The following XKR4 variants were observed in gnomAD, a reference collection of about 807,000 sequenced individuals.
XKR4 encodes XK related 4.
In XKR4, 12 loss-of-function variants were observed where a neutral mutation model predicts 53.9. That is an observed-to-expected ratio of 0.22 (90% CI 0.14 to 0.36). The LOEUF is 0.36. XKR4 is among the 10% of genes least tolerant of loss of function. The pLI is 1.00. For synonymous variants in XKR4, 354 were observed against 362.4 expected (o/e 0.98, Z 0.26); for missense variants, 799 against 859.5 (o/e 0.93, Z 0.88).
intron 2 of XKR4, among the ~76,000 whole-genome samples, chr8:55,461,143 C>A (rs1003450096): frequency 6.6e-6 from 1 of 152,244 alleles, no homozygotes; most frequent in African/African-American, 2.4e-5. Context: ...TCTCAGCACG[C>A]AGCTTGAGAT....
intron 1 of XKR4, among the ~76,000 whole-genome samples, chr8:55,170,767 G>A (rs975031119): frequency 3.9e-5 from 6 of 152,318 alleles, no homozygotes; most frequent in Middle Eastern, 3.4e-3. Flanking sequence ...GCAAACCAAA[G>A]ATGGATCACT....
intron 2 of XKR4, among the ~76,000 whole-genome samples, chr8:55,377,956 G>A (rs2622554): frequency 0.15 from 23,569 of 152,194 alleles, 2,020 homozygotes; most frequent in African/African-American, 0.21. Flanking sequence ...GATTGTGTGC[G>A]CGTAATACCT....
At chr8:55,397,288 C>T (rs1049597125) in intron 2 of XKR4, among the ~76,000 whole-genome samples, 2 of 152,194 alleles carry the variant, frequency 1.3e-5, no homozygotes, top group African/African-American at 4.8e-5. Flanking sequence ...CTTTCTCTTG[C>T]CGCAATTATT....
chr8:55,307,996 T>C (rs1391237269), intron 1 of XKR4, among the ~76,000 whole-genome samples: 2 of 152,176 alleles, frequency 1.3e-5, no homozygotes, highest in Non-Finnish European at 2.9e-5. Flanking sequence ...ATCTCATGCC[T>C]GTAATCCCAG....
chr8:55,103,020 A>G lies in XKR4; in HGVS notation c.532A>G (p.Thr178Ala). The change falls in exon 1 of 3, where the codon ACG (threonine) becomes GCG (alanine). Residue 178 changes from threonine (T) to alanine (A), a missense_variant. By Grantham distance (58) the Thr-to-Ala change is moderately conservative. Transcript: ENST00000327381. ...CGATTTCAGCACCGAGGACAGCGCC[A>G]CGGCCGCTGCTGCCTCCAGCTGCCC... ...VHDFSTEDSATAAAASSCPQP... is the reference protein window; with the variant it reads ...VHDFSTEDSAAAAAASSCPQP... 6.2e-7 allele frequency: 1 copy of G among 1,612,358 alleles called. No individual in the cohort carries two copies. The highest frequency in any genetic ancestry group is 8.5e-7 in the Non-Finnish European group (1 of 1,179,768).
At chr8:55,486,872 C>G (rs905962447) in intron 2 of XKR4, among the ~76,000 whole-genome samples, 2 of 152,170 alleles carry the variant, frequency 1.3e-5, no homozygotes, top group African/African-American at 4.8e-5. Context: ...AGCAATTTCA[C>G]AGATCTCTTT....
intron 1 of XKR4, among the ~76,000 whole-genome samples, chr8:55,336,041 CAAAAAAA>C (rs34885296): frequency 3.5e-5 from 4 of 113,698 alleles, no homozygotes; most frequent in East Asian, 2.7e-4. Flanking sequence ...AACTCTATAC[CAAAAAAA>C]AAAAAAAAAA....
intron 2 of XKR4, among the ~76,000 whole-genome samples, chr8:55,448,422 G>T (rs1262813336): frequency 1.3e-5 from 2 of 152,158 alleles, no homozygotes; most frequent in African/African-American, 4.8e-5. Flanking sequence ...AGGGATTTTT[G>T]CAATCAAAAT....
At chr8:55,285,948 T>C (rs939767454) in intron 1 of XKR4, among the ~76,000 whole-genome samples, 1 of 152,212 alleles carries the variant, frequency 6.6e-6, no homozygotes, top group African/African-American at 2.4e-5. Flanking sequence ...GAAGCAAATC[T>C]GAGTTTATTT....
chr8:55,277,144 T>C (rs1392485386), intron 1 of XKR4, among the ~76,000 whole-genome samples: 1 of 152,196 alleles, frequency 6.6e-6, no homozygotes, highest in Admixed American at 6.5e-5. Context: ...TTAAGAGGAC[T>C]GTAGGCTCCC....
At chr8:55,171,807 A>G (rs963967512) in intron 1 of XKR4, among the ~76,000 whole-genome samples, 1 of 151,956 alleles carries the variant, frequency 6.6e-6, no homozygotes, top group Non-Finnish European at 1.5e-5. Context: ...CCCGAGCTAC[A>G]TTCCCTGTTC....
rs955689732 is a variant in XKR4 at position 55,385,469 on chromosome 8, T to C, written c.1006+27592T>C. 4.6e-5 allele frequency among the ~76,000 whole-genome samples: 7 copies of C among 152,368 alleles called. No homozygotes were observed. In the East Asian group the frequency reaches 1.3e-3, roughly 29 times the overall value. On this transcript the variant is annotated intron_variant, in intron 2 of 2. Coordinates refer to ENST00000327381, the MANE Select transcript of XKR4 (RefSeq NM_052898.2). ...CTCTTCCCTTCCCCGCTAAGCCATA[T>C]GCTTCTGAAAGTCAAGCATCATGCT...
intron 2 of XKR4, chr8:55,453,466 G>A (rs758779300): frequency 2.5e-5 from 10 of 398,694 alleles, no homozygotes; most frequent in East Asian, 6.8e-5. Flanking sequence ...CCTCAAACAC[G>A]TGGGAGATGC....
In XKR4 at chr8:55,164,043, A is replaced by C. The variant is rs781576269; in HGVS notation, c.806+60749A>C. ...GCACACACATCCCTCGCACACATGCACACAACTGTTTCAGGAGGCTCCTTT... is the reference window on the plus strand; with the variant it reads ...GCACACACATCCCTCGCACACATGCCCACAACTGTTTCAGGAGGCTCCTTT... On this transcript the variant is annotated intron_variant, in intron 1 of 2. Transcript: ENST00000327381. 3.7e-5 allele frequency: 13 copies of C among 356,066 alleles called. No homozygotes were observed. In the Admixed American group the frequency reaches 4.7e-4, roughly 13 times the overall value. The allele number at this position is 356,066 out of a possible 1,614,324, so 22.1% of individuals were successfully genotyped here.
intron 2 of XKR4, among the ~76,000 whole-genome samples, chr8:55,475,982 G>C (rs925958904): frequency 1.3e-5 from 2 of 152,056 alleles, no homozygotes; most frequent in African/African-American, 4.8e-5. Flanking sequence ...CTTGGCTCAA[G>C]TGATCCATTC....
intron 2 of XKR4, among the ~76,000 whole-genome samples, chr8:55,407,460 G>A (rs1380315405): frequency 6.6e-6 from 1 of 152,220 alleles, no homozygotes; most frequent in Admixed American, 6.5e-5. Flanking sequence ...ACAGGGTCCC[G>A]CTGTCCACGC....
At chr8:55,176,340 C>G (rs1817234442) in intron 1 of XKR4, among the ~76,000 whole-genome samples, 1 of 152,224 alleles carries the variant, frequency 6.6e-6, no homozygotes, top group Admixed American at 6.5e-5. Context: ...CTCTGCTAGC[C>G]TTGCACCCTG....
intron 2 of XKR4, among the ~76,000 whole-genome samples, chr8:55,513,790 G>T (rs1033960399): frequency 6.6e-6 from 1 of 152,170 alleles, no homozygotes; most frequent in Admixed American, 6.5e-5. Context: ...TGAGTTACCA[G>T]GTTTCACAAT....
chr8:55,452,699 G>T, intron 2 of XKR4: 2 of 1,278,920 alleles, frequency 1.6e-6, no homozygotes, highest in Non-Finnish European at 2.3e-6. Context: ...CAAAGCGGTT[G>T]ATGAAGTGGA....
Sources: gnomAD v4.1 joint callset for allele counts (sites outside exome capture counted in the v4.1 genomes callset) on GRCh38, gnomAD v4.1.1 for gene constraint, MANE v1.5 for transcripts, NCBI Gene and HGNC (gene_info 2026-07-23, HGNC 2026-07-21) for gene names.